DIP2A: variants seen among roughly 807,000 people sequenced by gnomAD.
DIP2A encodes the protein disco-interacting protein 2 homolog A.
A neutral mutation model predicts 177.4 loss-of-function variants in DIP2A; 85 were observed. The observed-to-expected ratio is 0.48, with a 90% CI of 0.40 to 0.57. The LOEUF is 0.57. Among genes scored for constraint, DIP2A ranks in the 20% least tolerant of loss-of-function variants. The pLI, the probability that DIP2A is intolerant of heterozygous loss-of-function variation, is 0.00. For synonymous variants in DIP2A, 886 were observed against 881.8 expected (o/e 1.00, Z -0.08); for missense variants, 1,791 against 2,100.2 (o/e 0.85, Z 2.88).
At chr21:46,554,775 C>T in intron 27 of DIP2A, 47 bp from the exon 28 acceptor site, 1 of 1,543,446 alleles carries the variant, frequency 6.5e-7, no homozygotes, top group Non-Finnish European at 8.7e-7. Context: ...CTTTTCTGGG[C>T]AGCTTGAGAG....
At chr21:46,465,360 G>C (rs1052688191) in intron 1 of DIP2A, among the ~76,000 whole-genome samples, 6 of 152,014 alleles carry the variant, frequency 3.9e-5, no homozygotes, top group Admixed American at 1.3e-4. Flanking sequence ...CTGAGGTCTG[G>C]AGTTCGAGAC....
intron 6 of DIP2A, among the ~76,000 whole-genome samples, chr21:46,505,600 C>T (rs1359758037): frequency 2.6e-5 from 4 of 152,150 alleles, no homozygotes; most frequent in Non-Finnish European, 5.9e-5. Flanking sequence ...TAGAGTGAGA[C>T]TCCTTTCTCA....
chr21:46,477,783 C>T (rs1417838720), intron 1 of DIP2A, among the ~76,000 whole-genome samples: 1 of 151,684 alleles, frequency 6.6e-6, no homozygotes, highest in South Asian at 2.1e-4. Flanking sequence ...AGGGTTTTGC[C>T]ATGTTGGCCA....
At chr21:46,463,802 G>A (rs556323979) in intron 1 of DIP2A, among the ~76,000 whole-genome samples, 94 of 151,594 alleles carry the variant, frequency 6.2e-4, no homozygotes, top group African/African-American at 2.1e-3. Context: ...TCCACCTCCC[G>A]GGTTCAAGCA....
chr21:46,529,327 C>A, intron 9 of DIP2A, 144 bp downstream of exon 9: 1 of 601,020 alleles, frequency 1.7e-6, no homozygotes, highest in Non-Finnish European at 2.8e-6. Context: ...GGACTGGGTG[C>A]GGTGGCTCAT....
chr21:46,576,114 C>A, the DIP2A span, among the ~76,000 whole-genome samples: 1 of 152,102 alleles, frequency 6.6e-6, no homozygotes, highest in African/African-American at 2.4e-5. Context: ...AGCAAGTGAC[C>A]CCCGATGGCA....
intron 35 of DIP2A, 122 bp from the exon 36 acceptor site, chr21:46,565,591 T>C: frequency 2.0e-6 from 2 of 1,012,134 alleles, no homozygotes; most frequent in Non-Finnish European, 2.9e-6. Flanking sequence ...CAATGAATAT[T>C]ATCCGCCCCG....
chr21:46,534,160 G>A (rs752751863), intron 12 of DIP2A, 47 bp downstream of exon 12: 1 of 1,456,334 alleles, frequency 6.9e-7, no homozygotes, highest in South Asian at 1.2e-5. Context: ...TGTCCCACAG[G>A]CTTAAGTCTT....
chr21:46,544,284 C>G (rs1166008299), intron 18 of DIP2A, among the ~76,000 whole-genome samples: 1 of 151,986 alleles, frequency 6.6e-6, no homozygotes, highest in Non-Finnish European at 1.5e-5. Context: ...ACATCGTGCT[C>G]CATGAAAAGG....
intron 2 of DIP2A, among the ~76,000 whole-genome samples, chr21:46,486,668 T>C (rs1245934048): frequency 6.6e-6 from 1 of 152,204 alleles, no homozygotes; most frequent in Non-Finnish European, 1.5e-5. Context: ...ATGCACATTG[T>C]AACCACAGCC....
In DIP2A at chr21:46,547,973, G is replaced by A. The variant is rs578096189; in HGVS notation, c.2522+931G>A. ...GTGTCAGCCAATGTGCCTGGCCAAG[G>A]ATGTGCCTTTTGTTACTCAAACTAA... On this transcript the variant is annotated intron_variant, in intron 21 of 37. Transcript: ENST00000417564. Among the ~76,000 whole-genome samples the A allele has an allele frequency of 5.3e-5, 8 of 152,088 alleles. No individual in the cohort carries two copies. The South Asian group carries it at 1.7e-3, about 32-fold the overall frequency.
At chr21:46,534,977 A>G (rs1382177294) in intron 13 of DIP2A, among the ~76,000 whole-genome samples, 1 of 152,098 alleles carries the variant, frequency 6.6e-6, no homozygotes, top group African/African-American at 2.4e-5. Context: ...GGAACATGGA[A>G]CCTATATCCC....
At chr21:46,522,483 C>T (rs1202426068) in intron 8 of DIP2A, among the ~76,000 whole-genome samples, 1 of 152,164 alleles carries the variant, frequency 6.6e-6, no homozygotes, top group Non-Finnish European at 1.5e-5. Flanking sequence ...ATACCAGATA[C>T]TGGATCCTCA....
intron 5 of DIP2A, among the ~76,000 whole-genome samples, chr21:46,499,319 G>A (rs983877048): frequency 6.6e-6 from 1 of 152,182 alleles, no homozygotes; most frequent in African/African-American, 2.4e-5. Context: ...TGCTCTTGAG[G>A]GGAAGCTGGT....
chr21:46,502,782 G>A (rs994557398), intron 5 of DIP2A, among the ~76,000 whole-genome samples: 1 of 152,066 alleles, frequency 6.6e-6, no homozygotes, highest in Non-Finnish European at 1.5e-5. Context: ...GAGCATCTGT[G>A]TATTCATTGT....
At chr21:46,471,691 G>A (rs1451330038) in intron 1 of DIP2A, among the ~76,000 whole-genome samples, 1 of 152,188 alleles carries the variant, frequency 6.6e-6, no homozygotes, top group African/African-American at 2.4e-5. Context: ...TTATCACTTA[G>A]ACTAATGTAC....
At chr21:46,534,470 T>C in intron 12 of DIP2A, 115 bp from the exon 13 acceptor site, 3 of 1,010,274 alleles carry the variant, frequency 3.0e-6, no homozygotes, top group South Asian at 1.6e-5. Context: ...TAGAGGCCGA[T>C]GGTTAGAGGA....
At chr21:46,538,414 G>T in intron 15 of DIP2A, 69 bp from the exon 16 acceptor site, 2 of 1,513,694 alleles carry the variant, frequency 1.3e-6, no homozygotes, top group Non-Finnish European at 1.8e-6. Flanking sequence ...TGAGGTACAC[G>T]TGTCTGTAGG....
intron 18 of DIP2A, among the ~76,000 whole-genome samples, chr21:46,543,101 T>G (rs2059885216): frequency 6.6e-6 from 1 of 152,244 alleles, no homozygotes; most frequent in Non-Finnish European, 1.5e-5. Context: ...ATTTTTTTCC[T>G]GTAATTCTAC....
Sources: gnomAD v4.1 joint callset for allele counts (sites outside exome capture counted in the v4.1 genomes callset) on GRCh38, gnomAD v4.1.1 for gene constraint, MANE v1.5 for transcripts, NCBI Gene and HGNC (gene_info 2026-07-23, HGNC 2026-07-21) for gene names.